The following OSBPL3 variants were observed in gnomAD, a reference collection of about 807,000 sequenced individuals.
OSBPL3 encodes oxysterol-binding protein-related protein 3.
In OSBPL3, 65 loss-of-function variants were observed where a neutral mutation model predicts 120.1. That is an observed-to-expected ratio of 0.54 (90% CI 0.44 to 0.67). The LOEUF (loss-of-function observed/expected upper bound fraction) is 0.67. Ranked by LOEUF, OSBPL3 falls within the 30% of genes least tolerant of loss-of-function variation. The pLI is 0.00. For synonymous variants in OSBPL3, 416 were observed against 402.6 expected (o/e 1.03, Z -0.40); for missense variants, 1,004 against 1,082.1 (o/e 0.93, Z 1.01).
chr7:24,828,416 C>A (rs112491699), intron 16 of OSBPL3, among the ~76,000 whole-genome samples: 1 of 151,900 alleles, frequency 6.6e-6, no homozygotes, highest in Non-Finnish European at 1.5e-5. Flanking sequence ...GCGACCAGCC[C>A]GGCCAATATG....
intron 10 of OSBPL3, among the ~76,000 whole-genome samples, chr7:24,857,851 T>G (rs1034395790): frequency 6.6e-6 from 1 of 152,230 alleles, no homozygotes; most frequent in Admixed American, 6.5e-5. Flanking sequence ...ACTGTTCTTA[T>G]GTAAATCCAA....
chr7:24,928,524 G>T (rs57825175), intron 1 of OSBPL3, among the ~76,000 whole-genome samples: 2,079 of 152,186 alleles, frequency 0.014, 38 homozygotes, highest in African/African-American at 0.047. Context: ...CAGTCTCAGG[G>T]TATTTCTGTA....
At chr7:24,853,313 G>A (rs1357540690) in intron 10 of OSBPL3, among the ~76,000 whole-genome samples, 2 of 152,164 alleles carry the variant, frequency 1.3e-5, no homozygotes, top group Admixed American at 6.5e-5. Context: ...GGTAAAATAG[G>A]CTGAAAAAGA....
Position 24,877,782 on chromosome 7 carries a change from A to G in OSBPL3, c.97-5713T>C, listed in dbSNP as rs1035374639. Among the ~76,000 whole-genome samples the G allele has an allele frequency of 3.3e-5, 5 of 152,138 alleles. No individual in the cohort carries two copies. Among genetic ancestry groups the G allele is most frequent in the Admixed American group, 3.3e-4 (5 of 15,268 alleles). On this transcript the variant is annotated intron_variant, in intron 2 of 22. Transcript: ENST00000313367. This position sits in a 1 kb window ranked among gnomAD's most constrained non-coding sequence, Gnocchi z 4.8. The stretch of plus-strand genomic sequence containing the variant: ...TTAGGAGTATCTCCTGGTGACCCCA[A>G]GAGTAGGGCAGGCACCTTGAGCTGC...
chr7:24,929,036 C>T lies in OSBPL3; in HGVS notation c.-149-36415G>A, dbSNP rs555875720. ...GCAGTACGACGGGCCAGAGGGTAAGCGTGTTTAGCTTTAGAAATTGCCAAA... is the reference window on the plus strand; with the variant it reads ...GCAGTACGACGGGCCAGAGGGTAAGTGTGTTTAGCTTTAGAAATTGCCAAA... On this transcript the variant is annotated intron_variant, in intron 1 of 22. Coordinates refer to ENST00000313367, the MANE Select transcript of OSBPL3 (RefSeq NM_015550.4). Among the ~76,000 whole-genome samples, 212 of 152,300 alleles carry T rather than the reference C, an allele frequency of 1.4e-3. 2 individuals carry two copies. Among genetic ancestry groups the T allele is most frequent in the Middle Eastern group, 3.4e-3 (1 of 294 alleles).
rs141225526 is a variant in OSBPL3, at chr7:24,918,879, G to A, written c.-149-26258C>T. Among the ~76,000 whole-genome samples, 1 of 152,316 alleles carries A rather than the reference G, an allele frequency of 6.6e-6. No homozygotes were observed. Among genetic ancestry groups the A allele is most frequent in the East Asian group, 1.9e-4 (1 of 5,186 alleles). On this transcript the variant is annotated intron_variant, in intron 1 of 22. Coordinates refer to ENST00000313367, the MANE Select transcript of OSBPL3 (RefSeq NM_015550.4). This position sits in a 1 kb window ranked among gnomAD's most constrained non-coding sequence, Gnocchi z 4.3. ...AAAGCTTCTGCATCCATGAGAAGGGGATAGAAAAGGCAACAGACATAAATT... is the reference window on the plus strand; with the variant it reads ...AAAGCTTCTGCATCCATGAGAAGGGAATAGAAAAGGCAACAGACATAAATT...
chr7:24,939,854 G>T lies in OSBPL3; in HGVS notation c.-150+40032C>A, dbSNP rs1322716818. 6.6e-6 allele frequency among the ~76,000 whole-genome samples: 1 copy of T among 152,154 alleles called. No individual in the cohort carries two copies. Among genetic ancestry groups the T allele is most frequent in the Admixed American group, 6.5e-5 (1 of 15,278 alleles). ...AAGTTAGGAGGGTGGGAGGAAAGAG[G>T]AGGGAGAGCATTAGGACAAATATCT... is the stretch of plus-strand genomic sequence containing the variant. On this transcript the variant is annotated intron_variant, in intron 1 of 22. Coordinates refer to ENST00000313367, the MANE Select transcript of OSBPL3 (RefSeq NM_015550.4). The surrounding 1 kb of genome is among the most constrained non-coding windows in gnomAD (Gnocchi z 4.2).
In OSBPL3 at chr7:24,805,244, T is replaced by C. The variant is rs546198065; in HGVS notation, c.2445-807A>G. Among the ~76,000 whole-genome samples, 43 of 152,298 alleles carry C rather than the reference T, an allele frequency of 2.8e-4. No homozygotes were observed. Among genetic ancestry groups the C allele is most frequent in the African/African-American group, 9.4e-4 (39 of 41,558 alleles). Reference sequence around the variant, plus strand: ...TTTTCTCCCATAACCTCAAAGTGTATAAAACTTCTGAATTTTTGCCAATCT... The same window carrying C: ...TTTTCTCCCATAACCTCAAAGTGTACAAAACTTCTGAATTTTTGCCAATCT... On this transcript the variant is annotated intron_variant, in intron 21 of 22. Coordinates refer to ENST00000313367, the MANE Select transcript of OSBPL3 (RefSeq NM_015550.4). The surrounding 1 kb of genome is among the most constrained non-coding windows in gnomAD (Gnocchi z 4.0).
At position 24,933,862 on chromosome 7, in the gene OSBPL3, A is replaced by G. The variant is rs1243495224; in HGVS notation, c.-149-41241T>C. 6.6e-6 allele frequency among the ~76,000 whole-genome samples: 1 copy of G among 152,252 alleles called. No homozygotes were observed. Among genetic ancestry groups the G allele is most frequent in the Non-Finnish European group, 1.5e-5 (1 of 68,040 alleles). On this transcript the variant is annotated intron_variant, in intron 1 of 22. Transcript: ENST00000313367. The surrounding 1 kb of genome is among the most constrained non-coding windows in gnomAD (Gnocchi z 5.1). Reference sequence around the variant, plus strand: ...ATACAGCGAAACATATATACACAAGAGCTATGCCACTTAGCATAAATAGAG... The same window carrying G: ...ATACAGCGAAACATATATACACAAGGGCTATGCCACTTAGCATAAATAGAG...
rs1806821769 is a variant in OSBPL3 at position 24,900,444 on chromosome 7, G to A, written c.-149-7823C>T. ...TAGCTTCGTATATATCGTTTCACTTGAAGTCACAGTTTCCAAGAACTTATC... is the reference window on the plus strand; with the variant it reads ...TAGCTTCGTATATATCGTTTCACTTAAAGTCACAGTTTCCAAGAACTTATC... On this transcript the variant is annotated intron_variant, in intron 1 of 22. Transcript: ENST00000313367. The surrounding 1 kb of genome is among the most constrained non-coding windows in gnomAD (Gnocchi z 4.5). Among the ~76,000 whole-genome samples, 2 of 152,168 alleles carry A rather than the reference G, an allele frequency of 1.3e-5. No homozygotes were observed. Among genetic ancestry groups the A allele is most frequent in the Admixed American group, 6.5e-5 (1 of 15,284 alleles).
At chr7:24,857,984 T>C (rs2128240280) in intron 10 of OSBPL3, among the ~76,000 whole-genome samples, 1 of 152,360 alleles carries the variant, frequency 6.6e-6, no homozygotes, top group African/African-American at 2.4e-5. Flanking sequence ...TAAAAGCTAA[T>C]ATATGCAACA....
chr7:24,886,464 T>C (rs1804544166), intron 2 of OSBPL3, among the ~76,000 whole-genome samples: 1 of 152,232 alleles, frequency 6.6e-6, no homozygotes, highest in South Asian at 2.1e-4. Context: ...CTCACAACTG[T>C]CATTGGAGTG....
rs1033921865 is a variant in OSBPL3, at chr7:24,863,021, A to G, written c.870+179T>C. ...CTTGCCCACGATCCATTATGTGCTT[A>G]TCCTAGCACCCAGATAATCTAAGTG... On this transcript the variant is annotated intron_variant, in intron 9 of 22. Transcript: ENST00000313367. The surrounding 1 kb of genome is among the most constrained non-coding windows in gnomAD (Gnocchi z 5.8). Among the ~76,000 whole-genome samples the G allele has an allele frequency of 1.3e-5, 2 of 152,216 alleles. No homozygotes were observed. The highest frequency in any genetic ancestry group is 4.8e-5 in the African/African-American group (2 of 41,438).
intron 1 of OSBPL3, among the ~76,000 whole-genome samples, chr7:24,944,736 T>C (rs1813519429): frequency 6.6e-6 from 1 of 152,224 alleles, no homozygotes; most frequent in African/African-American, 2.4e-5. Flanking sequence ...GTATGTGCTA[T>C]TTTATCCAAA....
chr7:24,913,180 A>G lies in OSBPL3; in HGVS notation c.-149-20559T>C, dbSNP rs1809076735. On this transcript the variant is annotated intron_variant, in intron 1 of 22. Transcript: ENST00000313367. This position sits in a 1 kb window ranked among gnomAD's most constrained non-coding sequence, Gnocchi z 5.3. Reference sequence around the variant, plus strand: ...AAGTCCCACCCAAATTAAAGATGTCAGGGATACATAAATATTGTCATTAAC... The same window carrying G: ...AAGTCCCACCCAAATTAAAGATGTCGGGGATACATAAATATTGTCATTAAC... Among the ~76,000 whole-genome samples, 1 of 152,194 alleles carries G rather than the reference A, an allele frequency of 6.6e-6. No individual in the cohort carries two copies. Among genetic ancestry groups the G allele is most frequent in the East Asian group, 1.9e-4 (1 of 5,200 alleles).
chr7:24,861,838 A>C (rs1225559541), intron 9 of OSBPL3, 69 bp from the exon 10 acceptor site: 7 of 1,092,196 alleles, frequency 6.4e-6, no homozygotes, highest in Non-Finnish European at 9.2e-6. Flanking sequence ...CTTGATTCTA[A>C]GATTGAAACA....
rs1178742540 is a variant in OSBPL3 at position 24,818,787 on chromosome 7, G to T, written c.1948+1388C>A. Among the ~76,000 whole-genome samples, 1 of 152,152 alleles carries T rather than the reference G, an allele frequency of 6.6e-6. No individual in the cohort carries two copies. Among genetic ancestry groups the T allele is most frequent in the African/African-American group, 2.4e-5 (1 of 41,422 alleles). ...TACATAAAAGGCAGAGAAATGTCAG[G>T]CTGGGTTACAAAGCAAGATTTGGGA... is the stretch of plus-strand genomic sequence containing the variant. On this transcript the variant is annotated intron_variant, in intron 17 of 22. Transcript: ENST00000313367. This position sits in a 1 kb window ranked among gnomAD's most constrained non-coding sequence, Gnocchi z 4.0.
chr7:24,828,606 G>GAAGA (rs1554349905), intron 16 of OSBPL3, among the ~76,000 whole-genome samples: 38 of 32,458 alleles, frequency 1.2e-3, no homozygotes, highest in African/African-American at 4.5e-3. Context: ...GACTCTGTCT[G>GAAGA]AAAAAAAAAA....
intron 1 of OSBPL3, among the ~76,000 whole-genome samples, chr7:24,920,892 T>G (rs1310670851): frequency 6.6e-6 from 1 of 152,196 alleles, no homozygotes; most frequent in Non-Finnish European, 1.5e-5. Flanking sequence ...CAAATTATGA[T>G]AAGACTTGTC....
Sources: allele counts gnomAD v4.1 joint callset (sites outside exome capture counted in the v4.1 genomes callset), GRCh38; gene constraint gnomAD v4.1.1; non-coding constraint Gnocchi (gnomAD v3.1); transcripts MANE v1.5; gene names NCBI Gene and HGNC (gene_info 2026-07-23, HGNC 2026-07-21).